PTPRK: variants seen among roughly 807,000 people sequenced by gnomAD.
The protein encoded by PTPRK is receptor-type tyrosine-protein phosphatase kappa.
PTPRK carries 75 observed loss-of-function variants against 178.0 expected under a neutral mutation model. The ratio of observed to expected loss-of-function variants is 0.42; its 90% CI spans 0.35 to 0.51. PTPRK has a LOEUF of 0.51. PTPRK is among the 20% of genes least tolerant of loss of function. The probability of loss-of-function intolerance (pLI) is 0.02; values close to 1 mark genes in which losing one functional copy is unlikely to be tolerated. For missense variants in PTPRK, 1,441 were observed against 1,797.8 expected (o/e 0.80, Z 3.59); for synonymous variants, 637 against 620.6 (o/e 1.03, Z -0.39).
intron 6 of PTPRK, among the ~76,000 whole-genome samples, chr6:128,207,973 G>A (rs530866721): frequency 6.6e-6 from 1 of 151,880 alleles, no homozygotes; most frequent in South Asian, 2.1e-4. Flanking sequence ...TGTTCTCGGT[G>A]GCAGATTGGG....
chr6:128,397,839 T>TAGTGATAAA, intron 1 of PTPRK, 151 bp from the exon 2 acceptor site: 1 of 783,720 alleles, frequency 1.3e-6, no homozygotes, highest in Non-Finnish European at 1.9e-6. Flanking sequence ...TCTCTTTAAA[T>TAGTGATAAA]TTTCACAGAA....
In PTPRK at chr6:128,198,279, G is replaced by T. The variant is rs534709906; in HGVS notation, c.869-13554C>A. Among the ~76,000 whole-genome samples the T allele has an allele frequency of 1.4e-4, 21 of 152,284 alleles. No individual in the cohort carries two copies. The East Asian group carries it at 2.7e-3, about 20-fold the overall frequency. On this transcript the variant is annotated intron_variant, in intron 6 of 29. Transcript: ENST00000368226. ...GCAAACTTCCTAAAATAAATGCACT[G>T]CCCTTTCATGATCTGTCCCCTGCTC...
At chr6:128,173,005 A>C (rs1373504854) in intron 7 of PTPRK, among the ~76,000 whole-genome samples, 2 of 151,964 alleles carry the variant, frequency 1.3e-5, no homozygotes, top group African/African-American at 4.8e-5. Context: ...AGGGACAATG[A>C]GAAGTAAGAG....
chr6:128,048,417 G>C (rs576116401), intron 13 of PTPRK, among the ~76,000 whole-genome samples: 1 of 152,108 alleles, frequency 6.6e-6, no homozygotes, highest in Non-Finnish European at 1.5e-5. Context: ...TCTCCTCAAG[G>C]TTCCGCATAT....
chr6:128,397,793 A>G, intron 1 of PTPRK, 105 bp from the exon 2 acceptor site: 1 of 1,095,374 alleles, frequency 9.1e-7, no homozygotes, highest in Non-Finnish European at 1.3e-6. Context: ...GTTACTCACA[A>G]TCTTAATAAT....
At chr6:128,177,660 G>A (rs575697106) in intron 7 of PTPRK, among the ~76,000 whole-genome samples, 2 of 151,804 alleles carry the variant, frequency 1.3e-5, no homozygotes, top group South Asian at 2.1e-4. Flanking sequence ...CTTGAATTGG[G>A]ATGTATGACT....
chr6:128,485,176 T>C (rs553873764), intron 1 of PTPRK, among the ~76,000 whole-genome samples: 1 of 152,348 alleles, frequency 6.6e-6, no homozygotes, highest in Non-Finnish European at 1.5e-5. Context: ...TGTTAACCTA[T>C]GACTCTGTGG....
intron 1 of PTPRK, among the ~76,000 whole-genome samples, chr6:128,436,726 T>C (rs72974081): frequency 0.035 from 5,319 of 152,192 alleles, 146 homozygotes; most frequent in Non-Finnish European, 0.049. Context: ...GGAAAGGGAT[T>C]AAAACCTAGG....
chr6:128,310,630 A>G (rs938205852), intron 3 of PTPRK, among the ~76,000 whole-genome samples: 1 of 152,158 alleles, frequency 6.6e-6, no homozygotes, highest in African/African-American at 2.4e-5. Flanking sequence ...GACAATTCTC[A>G]GAGGCAAGTG....
intron 1 of PTPRK, among the ~76,000 whole-genome samples, chr6:128,509,758 A>C (rs1856901166): frequency 6.6e-6 from 1 of 152,124 alleles, no homozygotes; most frequent in South Asian, 2.1e-4. Flanking sequence ...GACAGAGCTT[A>C]AGACTGGAAC....
At chr6:128,477,429 G>A (rs954716428) in intron 1 of PTPRK, among the ~76,000 whole-genome samples, 2 of 151,436 alleles carry the variant, frequency 1.3e-5, no homozygotes, top group African/African-American at 4.9e-5. Flanking sequence ...TTACCACAAA[G>A]TTGCAATCTC....
chr6:128,110,864 T>G (rs1160941524), intron 7 of PTPRK, among the ~76,000 whole-genome samples: 2 of 152,154 alleles, frequency 1.3e-5, no homozygotes, highest in African/African-American at 4.8e-5. Context: ...AGGTTGAGAT[T>G]AACACATTCC....
At chr6:128,491,865 G>C in intron 1 of PTPRK, 3 of 501,062 alleles carry the variant, frequency 6.0e-6, no homozygotes, top group Non-Finnish European at 1.2e-5. Context: ...AACGAAAGCG[G>C]CTTGGTAACT....
At chr6:128,412,522 C>T (rs1842420542) in intron 1 of PTPRK, among the ~76,000 whole-genome samples, 1 of 152,138 alleles carries the variant, frequency 6.6e-6, no homozygotes, top group South Asian at 2.1e-4. Flanking sequence ...GGAAGAGAAA[C>T]ATCAAACTTC....
At chr6:128,328,674 G>C (rs1167633687) in intron 2 of PTPRK, among the ~76,000 whole-genome samples, 1 of 152,016 alleles carries the variant, frequency 6.6e-6, no homozygotes, top group African/African-American at 2.4e-5. Flanking sequence ...CTTTATACTT[G>C]TGATACTAAG....
chr6:128,424,619 C>T (rs58395468), intron 1 of PTPRK, among the ~76,000 whole-genome samples: 26,209 of 152,084 alleles, frequency 0.17, 4,391 homozygotes, highest in African/African-American at 0.44. Flanking sequence ...GCATCTCCTT[C>T]GGCCCAAAGG....
At chr6:128,121,379 G>C (rs533958346) in intron 7 of PTPRK, among the ~76,000 whole-genome samples, 1 of 152,046 alleles carries the variant, frequency 6.6e-6, no homozygotes, top group African/African-American at 2.4e-5. Context: ...AATATTTACT[G>C]TTCACAGGAG....
At chr6:128,292,712 A>G (rs1033940960) in intron 3 of PTPRK, among the ~76,000 whole-genome samples, 16 of 152,222 alleles carry the variant, frequency 1.1e-4, no homozygotes, top group African/African-American at 3.4e-4. Flanking sequence ...AGTCTCAGGT[A>G]ATAGATAATC....
At chr6:128,021,414 A>C (rs895718831) in intron 13 of PTPRK, among the ~76,000 whole-genome samples, 1 of 152,102 alleles carries the variant, frequency 6.6e-6, no homozygotes, top group East Asian at 1.9e-4. Context: ...AGGCTGGTGG[A>C]TCACGAGGTC....
Sources: gnomAD v4.1 joint callset for allele counts (sites outside exome capture counted in the v4.1 genomes callset) on GRCh38, gnomAD v4.1.1 for gene constraint, MANE v1.5 for transcripts, NCBI Gene and HGNC (gene_info 2026-07-23, HGNC 2026-07-21) for gene names.